ZNF34: variants seen among roughly 807,000 people sequenced by gnomAD.
ZNF34 encodes zinc finger protein 34 (KOX 32).
A neutral mutation model predicts 14.4 loss-of-function variants in ZNF34; 8 were observed. The ratio of observed to expected loss-of-function variants is 0.55; its 90% CI spans 0.33 to 1.00. The LOEUF (loss-of-function observed/expected upper bound fraction) is 1.00, where lower values mean the gene tolerates loss of function less well. Ranked by LOEUF, ZNF34 falls within the 50% of genes least tolerant of loss-of-function variation. The pLI, the probability that ZNF34 is intolerant of heterozygous loss-of-function variation, is 0.03. For synonymous variants in ZNF34, 235 were observed against 247.9 expected (o/e 0.95, Z 0.49); for missense variants, 538 against 674.2 (o/e 0.80, Z 2.24).
Position 144,782,176 on chromosome 8 carries a change from G to C in ZNF34, c.-107-1896C>G, listed in dbSNP as rs1825928927. Reference sequence around the variant, plus strand: ...GTCTCTACTAAAAATATAAAAATTAGCTGGGCATGGTGGTGGGCACCTGTA... The same window carrying C: ...GTCTCTACTAAAAATATAAAAATTACCTGGGCATGGTGGTGGGCACCTGTA... On this transcript the variant is annotated intron_variant, in intron 1 of 5. Coordinates refer to ENST00000429371, the MANE Select transcript of ZNF34 (RefSeq NM_001286769.2). Among the ~76,000 whole-genome samples the C allele has an allele frequency of 2.0e-5, 3 of 152,220 alleles. No homozygotes were observed. The South Asian group carries it at 6.2e-4, about 32-fold the overall frequency.
In ZNF34 at chr8:144,778,481, G is replaced by T; in HGVS notation, c.-10C>A. On this transcript the variant is annotated 5_prime_UTR_variant, in exon 3 of 6. Transcript: ENST00000429371. Reference sequence around the variant, plus strand: ...GGAACAAGGCCGCCATTGCCTGAGGGTTGGGCTTTCTGAGGGCAGTGAGCA... The same window carrying T: ...GGAACAAGGCCGCCATTGCCTGAGGTTTGGGCTTTCTGAGGGCAGTGAGCA... 1 of 1,593,034 alleles carries T rather than the reference G, an allele frequency of 6.3e-7. No individual in the cohort carries two copies. The highest frequency in any genetic ancestry group is 8.5e-7 in the Non-Finnish European group (1 of 1,170,084).
chr8:144,778,277 C>A, intron 3 of ZNF34, 113 bp from the exon 4 acceptor site: 1 of 1,471,168 alleles, frequency 6.8e-7, no homozygotes, highest in Middle Eastern at 1.8e-4. Context: ...CCTGACCCAT[C>A]TGCCACCGAG....
chr8:144,782,560 G>A (rs974800949), intron 1 of ZNF34, among the ~76,000 whole-genome samples: 2 of 151,894 alleles, frequency 1.3e-5, no homozygotes, highest in Non-Finnish European at 2.9e-5. Context: ...AAGGAGGGCC[G>A]GGCACGGTGG....
rs1825772190 is a variant in ZNF34 at position 144,780,133 on chromosome 8, G to A, written c.-55+95C>T. 6.5e-6 allele frequency: 6 copies of A among 917,730 alleles called. No individual in the cohort carries two copies. In the Admixed American group the frequency reaches 8.2e-5, roughly 13 times the overall value. The allele number at this position is 917,730 out of a possible 1,614,324, so 56.8% of individuals were successfully genotyped here. On this transcript the variant is annotated intron_variant, in intron 2 of 5. Transcript: ENST00000429371. ...GATCACCTGGGCCCAGGAAGTAGAG[G>A]CTGCAGTGAGCTGTGATCGCACCAC...
At chr8:144,781,274 GTT>G (rs879285192) in intron 1 of ZNF34, among the ~76,000 whole-genome samples, 1 of 143,182 alleles carries the variant, frequency 7.0e-6, no homozygotes, top group Non-Finnish European at 1.5e-5. Flanking sequence ...TCTGGAGTGA[GTT>G]TTTTTTTTTT....
rs886406785 is a variant in ZNF34 at position 144,777,058 on chromosome 8, T to A, written c.280+400A>T. ...TGTAGTCTCTCACTTTTCCGCAGTG[T>A]ATTAATTTAGAAGAGAGGGGAATTA... On this transcript the variant is annotated intron_variant, in intron 5 of 5. Coordinates refer to ENST00000429371, the MANE Select transcript of ZNF34 (RefSeq NM_001286769.2). The surrounding 1 kb of genome is among the most constrained non-coding windows in gnomAD (Gnocchi z 4.8). 1.3e-5 allele frequency among the ~76,000 whole-genome samples: 2 copies of A among 151,724 alleles called. No homozygotes were observed. Among genetic ancestry groups the A allele is most frequent in the African/African-American group, 4.8e-5 (2 of 41,260 alleles).
rs940767654 is a variant in ZNF34 at position 144,777,809 on chromosome 8, C to T, written c.160+229G>A. ...GCAACTCCGCCCCCCCGGTGTCCCC[C>T]GCCCTACCAGGGAGGGGTCTGCCTG... On this transcript the variant is annotated intron_variant, in intron 4 of 5. Transcript: ENST00000429371. The surrounding 1 kb of genome is among the most constrained non-coding windows in gnomAD (Gnocchi z 4.8). Among the ~76,000 whole-genome samples, 3 of 152,098 alleles carry T rather than the reference C, an allele frequency of 2.0e-5. No individual in the cohort carries two copies. Among genetic ancestry groups the T allele is most frequent in the African/African-American group, 7.2e-5 (3 of 41,400 alleles).
Position 144,774,099 on chromosome 8 carries a change from A to G in ZNF34, c.787T>C (p.Cys263Arg). ...CAGCTCTGGCTGAAGGCTTTCCCAC[A>G]CTCATCACATTTGTAGGGCTTCTCT... ...TEEKPYKCDECGKAFSQSCEF... is the reference protein window; with the variant it reads ...TEEKPYKCDERGKAFSQSCEF... Residue 263 changes from cysteine to arginine, a missense_variant, in exon 6 of 6, where the codon TGT (cysteine) becomes CGT (arginine). Around this residue, in one of 3 missense-constraint regions of ZNF34, gnomAD observed 431 missense variants for 525.7 expected, o/e 0.82. Coordinates refer to ENST00000429371, the MANE Select transcript of ZNF34 (RefSeq NM_001286769.2). 1 of 1,613,908 alleles carries G rather than the reference A, an allele frequency of 6.2e-7. No individual in the cohort carries two copies. The highest frequency in any genetic ancestry group is 8.5e-7 in the Non-Finnish European group (1 of 1,179,970).
At chr8:144,781,077 G>C (rs1176926055) in intron 1 of ZNF34, among the ~76,000 whole-genome samples, 1 of 150,764 alleles carries the variant, frequency 6.6e-6, no homozygotes, top group Non-Finnish European at 1.5e-5. Flanking sequence ...AGAGCTTGCA[G>C]TGAGCTGAGA....
Position 144,777,445 on chromosome 8 carries a change from T to A in ZNF34, c.280+13A>T. The A allele has an allele frequency of 6.4e-7, 1 of 1,550,872 alleles. No homozygotes were observed. The highest frequency in any genetic ancestry group is 1.2e-5 in the South Asian group (1 of 84,010). ...TCGGTGACTTGAGTTGGGGAGCAGATCCCCTCACGCACCTGGGCTGTTGAC... is the reference window on the plus strand; with the variant it reads ...TCGGTGACTTGAGTTGGGGAGCAGAACCCCTCACGCACCTGGGCTGTTGAC... On this transcript the variant is annotated intron_variant, in intron 5 of 5. Coordinates refer to ENST00000429371, the MANE Select transcript of ZNF34 (RefSeq NM_001286769.2). This position sits in a 1 kb window ranked among gnomAD's most constrained non-coding sequence, Gnocchi z 4.8.
At chr8:144,786,562 A>C (rs1344870705) in intron 1 of ZNF34, among the ~76,000 whole-genome samples, 1 of 151,700 alleles carries the variant, frequency 6.6e-6, no homozygotes, top group Admixed American at 6.6e-5. Flanking sequence ...TGAACTCGGG[A>C]GGCGGAAGGT....
chr8:144,774,701 C>A (rs930137221), intron 5 of ZNF34, 96 bp from the exon 6 acceptor site: 11 of 1,445,538 alleles, frequency 7.6e-6, no homozygotes, highest in Non-Finnish European at 1.0e-5. Flanking sequence ...CCAATTTGAT[C>A]ATCTCCAAAG....
chr8:144,778,591 T>C, intron 2 of ZNF34, 66 bp from the exon 3 acceptor site: 1 of 1,329,534 alleles, frequency 7.5e-7, no homozygotes, highest in Non-Finnish European at 1.0e-6. Context: ...TCAGGCTACT[T>C]GGTGCTGCCA....
intron 1 of ZNF34, among the ~76,000 whole-genome samples, chr8:144,781,074 G>T (rs1333270032): frequency 6.6e-6 from 1 of 150,962 alleles, no homozygotes; most frequent in Non-Finnish European, 1.5e-5. Context: ...GGCAGAGCTT[G>T]CAGTGAGCTG....
Position 144,774,226 on chromosome 8 carries a change from A to G in ZNF34, c.660T>C (p.Asp220=). ...IFSANLVVKE[D]QKIPTGKKLH... is the part of the protein sequence containing the mutation. ...ATTTTTTCCCAGTAGGAATTTTCTG[A>G]TCTTCTTTAACAACTAAGTTTGCAC... Residue 220 remains aspartate (D), a synonymous_variant, in exon 6 of 6, where the codon GAT becomes GAC. Transcript: ENST00000429371. 6.2e-7 allele frequency: 1 copy of G among 1,611,496 alleles called. No homozygotes were observed. Among genetic ancestry groups the G allele is most frequent in the Non-Finnish European group, 8.5e-7 (1 of 1,179,238 alleles).
chr8:144,772,626 G>A lies in ZNF34; in HGVS notation c.*640C>T, dbSNP rs574579837. On this transcript the variant is annotated 3_prime_UTR_variant, in exon 6 of 6. Transcript: ENST00000429371. ...ACAGTCTTGGCTCACTGCAACCTCC[G>A]CCTCCCAGGTTCAAGCAATGCTCCT... Among the ~76,000 whole-genome samples, 1 of 152,234 alleles carries A rather than the reference G, an allele frequency of 6.6e-6. No homozygotes were observed. The highest frequency in any genetic ancestry group is 1.5e-5 in the Non-Finnish European group (1 of 68,008).
intron 2 of ZNF34, 122 bp from the exon 3 acceptor site, chr8:144,778,647 T>C (rs1336997616): frequency 7.6e-6 from 5 of 656,724 alleles, no homozygotes; most frequent in East Asian, 6.6e-5. Context: ...CCCATCCCAA[T>C]GTGGGTACTG....
rs996462391 is a variant in ZNF34 at position 144,777,138 on chromosome 8, G to T, written c.280+320C>A. Among the ~76,000 whole-genome samples, 7 of 152,012 alleles carry T rather than the reference G, an allele frequency of 4.6e-5. No homozygotes were observed. Among genetic ancestry groups the T allele is most frequent in the Non-Finnish European group, 1.0e-4 (7 of 68,002 alleles). ...ATCTGGCATCAGCTCTGGAGCGCAGGGTTCTGTGGGGTTCCGCAGACCCTA... is the reference window on the plus strand; with the variant it reads ...ATCTGGCATCAGCTCTGGAGCGCAGTGTTCTGTGGGGTTCCGCAGACCCTA... On this transcript the variant is annotated intron_variant, in intron 5 of 5. Coordinates refer to ENST00000429371, the MANE Select transcript of ZNF34 (RefSeq NM_001286769.2). This position sits in a 1 kb window ranked among gnomAD's most constrained non-coding sequence, Gnocchi z 4.8.
intron 1 of ZNF34, among the ~76,000 whole-genome samples, chr8:144,785,106 CAAAAAAAAAA>C (rs749277788): frequency 1.4e-4 from 7 of 50,074 alleles, no homozygotes; most frequent in Non-Finnish European, 2.7e-4. Flanking sequence ...CAGACCCTGC[CAAAAAAAAAA>C]AAAAAAAAAA....
Sources: allele counts gnomAD v4.1 joint callset (sites outside exome capture counted in the v4.1 genomes callset), GRCh38; gene constraint gnomAD v4.1.1; regional missense constraint gnomAD v4.1.1; non-coding constraint Gnocchi (gnomAD v3.1); transcripts MANE v1.5; gene names NCBI Gene and HGNC (gene_info 2026-07-23, HGNC 2026-07-21).